Variants in BICC1 observed in about 807,000 individuals in gnomAD.
BICC1 encodes protein bicaudal C homolog 1.
BICC1 carries 43 observed loss-of-function variants against 111.0 expected under a neutral mutation model. That is an observed-to-expected ratio of 0.39 (90% CI 0.30 to 0.50). The LOEUF is 0.50. BICC1 is among the 20% of genes least tolerant of loss of function. The probability of loss-of-function intolerance (pLI) is 0.88; values close to 1 mark genes in which losing one functional copy is unlikely to be tolerated. For synonymous variants in BICC1, 467 were observed against 434.4 expected (o/e 1.07, Z -0.93); for missense variants, 1,091 against 1,203.2 (o/e 0.91, Z 1.38).
chr10:58,623,826 A>T (rs1204410280), intron 2 of BICC1, among the ~76,000 whole-genome samples: 3 of 152,036 alleles, frequency 2.0e-5, no homozygotes, highest in African/African-American at 7.2e-5. Context: ...ACTTCCTCTC[A>T]CACTCTATGG....
chr10:58,799,175 A>T lies in BICC1; in HGVS notation c.1648A>T (p.Thr550Ser), dbSNP rs1411988153. The change falls in exon 12 of 21, where the codon ACT becomes TCT. Residue 550 changes from threonine to serine, a missense_variant. By Grantham distance (58) the Thr-to-Ser change is moderately conservative. Around this residue, in one of 3 missense-constraint regions of BICC1, gnomAD observed 843 missense variants for 900.8 expected, o/e 0.94. Transcript: ENST00000373886. ...AGCTCCATCTCCCCCTCCTGGCTTG[A>T]CTCCTGTTGATGTCCATATCAACAG... ...HTAPSPPPGL[T>S]PVDVHINSMQ... 8 of 1,613,586 alleles carry T rather than the reference A, an allele frequency of 5.0e-6. No homozygotes were observed. The highest frequency in any genetic ancestry group is 6.8e-6 in the Non-Finnish European group (8 of 1,179,882).
intron 1 of BICC1, among the ~76,000 whole-genome samples, chr10:58,521,042 T>C (rs1016696351): frequency 3.3e-5 from 5 of 152,154 alleles, no homozygotes; most frequent in Non-Finnish European, 7.4e-5. Flanking sequence ...CGTTGAATCA[T>C]AAGTATTTTC....
At chr10:58,707,417 G>T (rs1840417601) in intron 3 of BICC1, among the ~76,000 whole-genome samples, 1 of 152,050 alleles carries the variant, frequency 6.6e-6, no homozygotes, top group South Asian at 2.1e-4. Flanking sequence ...GCTAATGGTG[G>T]GTTGCAACCT....
At position 58,676,157 on chromosome 10, in the gene BICC1, C is replaced by T. The variant is rs775589830; in HGVS notation, c.238-25917C>T. Among the ~76,000 whole-genome samples the T allele has an allele frequency of 4.9e-4, 74 of 152,190 alleles. 1 individual carries two copies. The highest frequency in any genetic ancestry group is 1.2e-3 in the South Asian group (6 of 4,832). On this transcript the variant is annotated intron_variant, in intron 2 of 20. Transcript: ENST00000373886. ...ACCAGGAGATTCCCTAGGGTGCCTA[C>T]ACCACCAGGGCCCTGGGTTTCAAGC...
intron 1 of BICC1, among the ~76,000 whole-genome samples, chr10:58,619,972 G>T (rs975796103): frequency 1.3e-5 from 2 of 152,150 alleles, no homozygotes; most frequent in Non-Finnish European, 2.9e-5. Context: ...ATTTCCAGTA[G>T]TTCTCACTTC....
At chr10:58,514,846 T>C (rs7897298) in intron 1 of BICC1, among the ~76,000 whole-genome samples, 77,711 of 152,076 alleles carry the variant, frequency 0.51, 20,323 homozygotes, top group African/African-American at 0.61. Flanking sequence ...TAGTTTATGA[T>C]TATAAAACAA....
rs567928342 is a variant in BICC1 at position 58,631,857 on chromosome 10, A to C, written c.237+10956A>C. On this transcript the variant is annotated intron_variant, in intron 2 of 20. Coordinates refer to ENST00000373886, the MANE Select transcript of BICC1 (RefSeq NM_001080512.3). ...AGTGAATAAGAACACTTTAAACCCA[A>C]AGTTGTTTGGGTTTGTTTTCTTAAA... Among the ~76,000 whole-genome samples, 4 of 152,198 alleles carry C rather than the reference A, an allele frequency of 2.6e-5. No individual in the cohort carries two copies. The South Asian group carries it at 8.3e-4, about 32-fold the overall frequency.
At chr10:58,790,947 T>C (rs2132818338) in intron 8 of BICC1, among the ~76,000 whole-genome samples, 2 of 152,362 alleles carry the variant, frequency 1.3e-5, no homozygotes, top group Admixed American at 1.3e-4. Flanking sequence ...GCTTGACCTT[T>C]AGTGGCATTT....
At chr10:58,547,556 C>T (rs376081507) in intron 1 of BICC1, among the ~76,000 whole-genome samples, 3 of 152,068 alleles carry the variant, frequency 2.0e-5, no homozygotes, top group Non-Finnish European at 4.4e-5. Context: ...CTGCGTGCAG[C>T]CCATGTGTGA....
chr10:58,702,589 A>G (rs893516631), intron 3 of BICC1, among the ~76,000 whole-genome samples: 4 of 152,052 alleles, frequency 2.6e-5, no homozygotes, highest in Non-Finnish European at 4.4e-5. Flanking sequence ...TCTATCAGAC[A>G]GCAAAGAACC....
intron 12 of BICC1, among the ~76,000 whole-genome samples, chr10:58,799,721 T>A (rs1279452800): frequency 1.3e-5 from 2 of 152,058 alleles, no homozygotes; most frequent in African/African-American, 4.8e-5. Flanking sequence ...ATTTTTTTTT[T>A]ATGCCAGTAC....
chr10:58,593,991 G>A lies in BICC1; in HGVS notation c.191-26864G>A, dbSNP rs571835328. 3.9e-5 allele frequency among the ~76,000 whole-genome samples: 6 copies of A among 151,942 alleles called. No homozygotes were observed. The South Asian group carries it at 1.2e-3, about 32-fold the overall frequency. On this transcript the variant is annotated intron_variant, in intron 1 of 20. Coordinates refer to ENST00000373886, the MANE Select transcript of BICC1 (RefSeq NM_001080512.3). ...TAAGAACCTTTAAAAAAGGTGAGACGAATTGCTAACTAGAATAACCAGGGT... is the reference window on the plus strand; with the variant it reads ...TAAGAACCTTTAAAAAAGGTGAGACAAATTGCTAACTAGAATAACCAGGGT...
chr10:58,751,204 T>C (rs942269810), intron 3 of BICC1, among the ~76,000 whole-genome samples: 3 of 152,238 alleles, frequency 2.0e-5, no homozygotes, highest in Admixed American at 1.3e-4. Context: ...CTTGCTCCTT[T>C]AGTGTTTTGT....
intron 2 of BICC1, among the ~76,000 whole-genome samples, chr10:58,630,953 C>A (rs1350642598): frequency 1.3e-5 from 2 of 152,106 alleles, no homozygotes; most frequent in Non-Finnish European, 2.9e-5. Context: ...GGTGAACTCT[C>A]TCCATATATT....
intron 14 of BICC1, 66 bp downstream of exon 14, chr10:58,801,112 A>G: frequency 3.6e-6 from 5 of 1,379,118 alleles, no homozygotes; most frequent in South Asian, 1.6e-5. Flanking sequence ...TCTCAACTCT[A>G]TAGTTAGTAC....
intron 1 of BICC1, among the ~76,000 whole-genome samples, chr10:58,540,074 A>G (rs1351190364): frequency 5.9e-5 from 9 of 152,016 alleles, no homozygotes; most frequent in Non-Finnish European, 1.2e-4. Context: ...TATATTGAAA[A>G]ATGAATATGA....
intron 2 of BICC1, among the ~76,000 whole-genome samples, chr10:58,629,503 T>C (rs746257747): frequency 5.1e-4 from 78 of 152,342 alleles, no homozygotes; most frequent in Admixed American, 5.2e-4. Context: ...TAAGTTTTGC[T>C]AAGTAGGGCT....
intron 1 of BICC1, among the ~76,000 whole-genome samples, chr10:58,606,847 A>AATACATTT (rs1485176128): frequency 6.6e-6 from 1 of 152,202 alleles, no homozygotes; most frequent in Non-Finnish European, 1.5e-5. Context: ...TTTGATTAAA[A>AATACATTT]ATACATTTTA....
intron 1 of BICC1, among the ~76,000 whole-genome samples, chr10:58,527,942 T>C (rs558595464): frequency 6.6e-6 from 1 of 152,018 alleles, no homozygotes; most frequent in Admixed American, 6.6e-5. Context: ...AACAGAATAA[T>C]AATATGTCTC....
Sources: allele counts gnomAD v4.1 joint callset (sites outside exome capture counted in the v4.1 genomes callset), GRCh38; gene constraint gnomAD v4.1.1; regional missense constraint gnomAD v4.1.1; transcripts MANE v1.5; gene names NCBI Gene and HGNC (gene_info 2026-07-23, HGNC 2026-07-21).